PALM3: variants seen among roughly 807,000 people sequenced by gnomAD.
PALM3 encodes the protein paralemmin 3, also known as paralemmin-3.
Under a neutral mutation model 27.9 loss-of-function variants are expected in PALM3, and 20 were observed. That is an observed-to-expected ratio of 0.72 (90% CI 0.50 to 1.04). PALM3 has a LOEUF of 1.04. PALM3 is among the 50% of genes least tolerant of loss of function. The pLI is 0.00. For missense variants in PALM3, 814 were observed against 869.4 expected (o/e 0.94, Z 0.80); for synonymous variants, 328 against 352.7 (o/e 0.93, Z 0.79).
Position 14,054,319 on chromosome 19 carries a change from G to T in PALM3, c.1353C>A (p.Ser451Arg). Residue 451 changes from serine (S) to arginine (R), a missense_variant, in exon 7 of 7, where the codon AGC becomes AGA. By Grantham distance (110) the Ser-to-Arg change is moderately radical. Transcript: ENST00000669674. ...TTCCCAGCTTTTCTGCACTTCCTCT[G>T]CTCTCCAGCTCCAACTTCTTCTCTC... is the stretch of plus-strand genomic sequence containing the variant. ...KGGEKKLELE[S>R]RGSAEKLGTE... is the part of the protein sequence containing the mutation. 2 of 1,551,980 alleles carry T rather than the reference G, an allele frequency of 1.3e-6. No individual in the cohort carries two copies. Among genetic ancestry groups the T allele is most frequent in the Non-Finnish European group, 1.7e-6 (2 of 1,147,082 alleles).
In PALM3 at chr19:14,054,203, C is replaced by T. The variant is rs574524327; in HGVS notation, c.1469G>A (p.Arg490Gln). 4.7e-5 allele frequency: 73 copies of T among 1,551,960 alleles called. No individual in the cohort carries two copies. In the African/African-American group the frequency reaches 6.7e-4, roughly 14 times the overall value. Residue 490 changes from arginine to glutamine, a missense_variant, in exon 7 of 7, where the codon CGA (arginine) becomes CAA (glutamine). Coordinates refer to ENST00000669674, the MANE Select transcript of PALM3 (RefSeq NM_001145028.2). ...TTCTACCTCCTCCTCCTCTGCCCCT[C>T]GCTTTTCCTCATCTCCTTCCTTCTC... Reference protein sequence around the residue: ...RAEKEGDEEKRGAEEEEVEEP... With the variant: ...RAEKEGDEEKQGAEEEEVEEP...
At chr19:14,059,395 C>T (rs1174186486) in intron 1 of PALM3, among the ~76,000 whole-genome samples, 1 of 151,940 alleles carries the variant, frequency 6.6e-6, no homozygotes, top group Non-Finnish European at 1.5e-5. Flanking sequence ...CTCTCTCAGC[C>T]TCAGTTTCCT....
chr19:14,055,811 C>T (rs1312961394), intron 5 of PALM3, among the ~76,000 whole-genome samples: 11 of 150,822 alleles, frequency 7.3e-5, no homozygotes, highest in Admixed American at 1.3e-4. Flanking sequence ...AGTGCAGTGG[C>T]GTAATCTCGG....
chr19:14,055,355 C>T (rs1474858533), intron 6 of PALM3, 25 bp downstream of exon 6: 10 of 1,550,992 alleles, frequency 6.4e-6, no homozygotes, highest in Non-Finnish European at 7.8e-6. Context: ...ACCTGACCCC[C>T]AGACCTAGGG....
intron 2 of PALM3, among the ~76,000 whole-genome samples, chr19:14,057,990 C>G (rs745667324): frequency 1.3e-5 from 2 of 152,174 alleles, no homozygotes; most frequent in Admixed American, 1.3e-4. Flanking sequence ...CGCCTGTAAT[C>G]CCAGCTACCG....
At chr19:14,058,446 G>A (rs1015039756) in intron 2 of PALM3, among the ~76,000 whole-genome samples, 5 of 149,670 alleles carry the variant, frequency 3.3e-5, no homozygotes, top group African/African-American at 1.2e-4. Context: ...CAGCCATGGG[G>A]GTCCGGAGAG....
rs145735753 is a variant in PALM3 at position 14,053,614 on chromosome 19, C to T, written c.2058G>A (p.Ala686=). Reference sequence around the variant, plus strand: ...GTGGAGGGGCATGGGTTCACATGACCGCACAACACTGGCACGTCTTTTGCT... The same window carrying T: ...GTGGAGGGGCATGGGTTCACATGACTGCACAACACTGGCACGTCTTTTGCT... ...GPKQKTCQCC[A]VM is the part of the protein sequence containing the mutation. Residue 686 remains alanine (A), a synonymous_variant, in exon 7 of 7, where the codon GCG becomes GCA. Transcript: ENST00000669674. 5.1e-3 allele frequency: 7,460 copies of T among 1,455,600 alleles called. 19 individuals carry two copies. The highest frequency in any genetic ancestry group is 6.1e-3 in the Non-Finnish European group (6,684 of 1,102,016). The allele number at this position is 1,455,600 out of a possible 1,614,324, so 90.2% of individuals were successfully genotyped here.
Position 14,056,770 on chromosome 19 carries a change from C to G in PALM3, c.206G>C (p.Gly69Ala). The change falls in exon 4 of 7, where the codon GGG becomes GCG. Residue 69 changes from glycine (G) to alanine (A), a missense_variant. By Grantham distance (60) the Gly-to-Ala change is moderately conservative. Coordinates refer to ENST00000669674, the MANE Select transcript of PALM3 (RefSeq NM_001145028.2). The part of the protein sequence containing the change: ...KSLRERWLMD[G>A]AAAVPEPSED... Reference sequence around the variant, plus strand: ...GGATGGCTCTGGCACTGCAGCTGCCCCATCCATTAGCCAACGTTCCCGGAG... The same window carrying G: ...GGATGGCTCTGGCACTGCAGCTGCCGCATCCATTAGCCAACGTTCCCGGAG... 6.4e-7 allele frequency: 1 copy of G among 1,551,172 alleles called. No homozygotes were observed. The highest frequency in any genetic ancestry group is 1.2e-5 in the South Asian group (1 of 84,016).
At chr19:14,059,335 G>A (rs1976376918) in intron 1 of PALM3, among the ~76,000 whole-genome samples, 172 bp from the exon 2 acceptor site, 1 of 152,058 alleles carries the variant, frequency 6.6e-6, no homozygotes, top group East Asian at 1.9e-4. Context: ...GGGGAACTGA[G>A]CAGTGACCAC....
In PALM3 at chr19:14,053,552, A is replaced by G; in HGVS notation, c.*53T>C. ...GCCTGGGACCCTCTTCTGGGTGCCA[A>G]GAGGCCGAGGTAGCTGTGAGAGGAG... On this transcript the variant is annotated 3_prime_UTR_variant, in exon 7 of 7. Coordinates refer to ENST00000669674, the MANE Select transcript of PALM3 (RefSeq NM_001145028.2). 2.1e-6 allele frequency: 3 copies of G among 1,428,282 alleles called. No homozygotes were observed. Among genetic ancestry groups the G allele is most frequent in the East Asian group, 2.6e-5 (1 of 38,338 alleles). 88.5% of individuals were successfully genotyped at this position (1,428,282 alleles called of 1,614,324 possible).
intron 2 of PALM3, among the ~76,000 whole-genome samples, chr19:14,058,725 G>T (rs956972211): frequency 6.6e-6 from 1 of 152,014 alleles, no homozygotes; most frequent in Non-Finnish European, 1.5e-5. Context: ...AGAGATGGGG[G>T]AGTCCAGAGA....
chr19:14,057,372 T>A lies in PALM3; in HGVS notation c.150A>T (p.Lys50Asn), dbSNP rs755642075. The A allele has an allele frequency of 6.5e-7, 1 of 1,540,118 alleles. No individual in the cohort carries two copies. The highest frequency in any genetic ancestry group is 1.2e-5 in the South Asian group (1 of 83,586). Residue 50 changes from lysine to asparagine, a missense_variant, in exon 3 of 7, where the codon AAA (lysine) becomes AAT (asparagine). Transcript: ENST00000669674. ...RAARREVEEE[K>N]LRVERLKRKS... is the part of the protein sequence containing the mutation. ...CAACCTTGAGACGCTCCACGCGGAG[T>A]TTCTCCTCCTCCACCTCCCGGCGCG...
At chr19:14,056,637 G>A in intron 4 of PALM3, 25 bp downstream of exon 4, 1 of 1,551,780 alleles carries the variant, frequency 6.4e-7, no homozygotes. Context: ...CAGGGTTCGG[G>A]CAGAGCTAGA....
rs372005056 is a variant in PALM3, at chr19:14,053,834, C to T, written c.1838G>A (p.Gly613Asp). 2 of 1,550,690 alleles carry T rather than the reference C, an allele frequency of 1.3e-6. No individual in the cohort carries two copies. The highest frequency in any genetic ancestry group is 1.7e-6 in the Non-Finnish European group (2 of 1,146,432). ...TGTGGCATCCCCCAAGGGGCCTTGG[C>T]CCTCAGCAGCGGTTTGGGGCTTCAC... ...EGVKPQTAAE[G>D]QGPLGDATPL... Residue 613 changes from glycine to aspartate, a missense_variant, in exon 7 of 7, where the codon GGC (glycine) becomes GAC (aspartate). Gly to Asp is a moderately conservative substitution (Grantham distance 94, BLOSUM62 -1). Coordinates refer to ENST00000669674, the MANE Select transcript of PALM3 (RefSeq NM_001145028.2).
At chr19:14,056,349 G>A in intron 5 of PALM3, 80 bp downstream of exon 5, 2 of 1,378,624 alleles carry the variant, frequency 1.5e-6, no homozygotes, top group Non-Finnish European at 2.0e-6. Context: ...CTTGGAGAAA[G>A]CTGCATTCCT....
At position 14,055,422 on chromosome 19, in the gene PALM3, G is replaced by A; in HGVS notation, c.403C>T (p.His135Tyr). 6.4e-7 allele frequency: 1 copy of A among 1,551,520 alleles called. No homozygotes were observed. The highest frequency in any genetic ancestry group is 1.2e-5 in the South Asian group (1 of 84,060). ...ACAATGGACTGGGAGAGAGGACGGTGACCCTGCAGAGATGGCGGAGACAAG... is the reference window on the plus strand; with the variant it reads ...ACAATGGACTGGGAGAGAGGACGGTAACCCTGCAGAGATGGCGGAGACAAG... ...SGRPSWRRQG[H>Y]RPLSQSIVEA... The change falls in exon 6 of 7, where the codon CAC becomes TAC. Residue 135 changes from histidine (H) to tyrosine (Y), a missense_variant. Transcript: ENST00000669674.
chr19:14,055,059 G>A lies in PALM3; in HGVS notation c.613C>T (p.Pro205Ser), dbSNP rs1312842425. ...AGCCCCTGCTCTGGAGTGGGGATGG[G>A]GCTGGGGCATGGGCCATTGGCTTCT... ...SSEANGPCPSPIPTPEQGLSQ... is the reference protein window; with the variant it reads ...SSEANGPCPSSIPTPEQGLSQ... Residue 205 changes from proline (P) to serine (S), a missense_variant, in exon 7 of 7, where the codon CCC (proline) becomes TCC (serine). Transcript: ENST00000669674. The A allele has an allele frequency of 8.4e-6, 13 of 1,549,944 alleles. No individual in the cohort carries two copies. The highest frequency in any genetic ancestry group is 2.4e-5 in the South Asian group (2 of 83,920).
chr19:14,055,290 G>GGGAA, intron 6 of PALM3, 64 bp from the exon 7 acceptor site: 13 of 1,529,322 alleles, frequency 8.5e-6, no homozygotes, highest in African/African-American at 5.5e-5. Flanking sequence ...TGGAACAAAA[G>GGGAA]GACTGCCATC....
intron 1 of PALM3, among the ~76,000 whole-genome samples, chr19:14,059,445 C>T (rs1217157746): frequency 6.6e-6 from 1 of 152,068 alleles, no homozygotes; most frequent in Non-Finnish European, 1.5e-5. Flanking sequence ...CCACCCTGTC[C>T]TTGCCACCCC....
Sources: allele counts gnomAD v4.1 joint callset (sites outside exome capture counted in the v4.1 genomes callset), GRCh38; gene constraint gnomAD v4.1.1; transcripts MANE v1.5; gene names NCBI Gene and HGNC (gene_info 2026-07-23, HGNC 2026-07-21).